SIMC1: variants seen among roughly 807,000 people sequenced by gnomAD.
The protein encoded by SIMC1 is SUMO-interacting motif-containing protein 1.
SIMC1 carries 55 observed loss-of-function variants against 82.3 expected under a neutral mutation model. The ratio of observed to expected loss-of-function variants is 0.67; its 90% CI spans 0.54 to 0.84. The LOEUF (loss-of-function observed/expected upper bound fraction) is 0.84. Among genes scored for constraint, SIMC1 ranks in the 40% least tolerant of loss-of-function variants. SIMC1 has a pLI of 0.00. For synonymous variants in SIMC1, 353 were observed against 426.3 expected, an observed-to-expected ratio of 0.83 and a Z score of 2.12; for missense variants, 915 against 1,107.2, an observed-to-expected ratio of 0.83 and a Z score of 2.46.
At chr5:176,258,838 T>G (rs1446519738) in intron 1 of SIMC1, among the ~76,000 whole-genome samples, 1 of 152,206 alleles carries the variant, frequency 6.6e-6, no homozygotes, top group Non-Finnish European at 1.5e-5. Context: ...TCATTTATCC[T>G]GAACTGTCTT....
At position 176,296,301 on chromosome 5, in the gene SIMC1, C is replaced by G. The variant is rs374295063; in HGVS notation, c.1715C>G (p.Thr572Ser). The change falls in exon 4 of 10, where the codon ACC becomes AGC. Residue 572 changes from threonine to serine, a missense_variant. Transcript: ENST00000429602. ...KTVEWDWKLL[T>S]YVMEEEGQTL... is the part of the protein sequence containing the mutation. ...GTGGAGTGGGACTGGAAACTGCTCA[C>G]CTATGTCATGGAGGAAGAGGTAACA... 117 of 1,613,422 alleles carry G rather than the reference C, an allele frequency of 7.3e-5. No individual in the cohort carries two copies. The highest frequency in any genetic ancestry group is 9.7e-5 in the Non-Finnish European group (114 of 1,179,510).
intron 4 of SIMC1, among the ~76,000 whole-genome samples, chr5:176,305,779 C>T (rs1233913320): frequency 1.6e-5 from 1 of 61,524 alleles, no homozygotes; most frequent in Non-Finnish European, 3.6e-5. Context: ...CCCCACCCGG[C>T]CAGCCGCCCC....
intron 4 of SIMC1, among the ~76,000 whole-genome samples, chr5:176,306,155 G>A (rs2113321815): frequency 1.5e-5 from 1 of 68,512 alleles, no homozygotes; most frequent in Non-Finnish European, 3.3e-5. Context: ...CCGTCCGGGA[G>A]GGAGGTGGGG....
At chr5:176,307,940 T>G in intron 4 of SIMC1, 1 of 557,426 alleles carries the variant, frequency 1.8e-6, no homozygotes, top group Non-Finnish European at 3.2e-6. Flanking sequence ...TACATTCAAA[T>G]GTTCAAAGCA....
chr5:176,316,831 T>C (rs1764933363), intron 5 of SIMC1, among the ~76,000 whole-genome samples: 2 of 150,918 alleles, frequency 1.3e-5, no homozygotes, highest in Non-Finnish European at 3.0e-5. Flanking sequence ...CTACTAAAAG[T>C]ACAAAAACAG....
chr5:176,254,000 A>T (rs542930317), intron 1 of SIMC1, among the ~76,000 whole-genome samples: 3 of 152,084 alleles, frequency 2.0e-5, no homozygotes, highest in African/African-American at 7.2e-5. Flanking sequence ...ATGGGTCTCA[A>T]CTTTCCCAAA....
intron 1 of SIMC1, among the ~76,000 whole-genome samples, chr5:176,262,797 T>C (rs916197981): frequency 1.3e-5 from 2 of 152,026 alleles, no homozygotes; most frequent in South Asian, 2.1e-4. Flanking sequence ...AGAGTGAGAC[T>C]CTGTCTCAAA....
chr5:176,243,709 CG>C (rs1481322711), intron 1 of SIMC1, among the ~76,000 whole-genome samples: 7 of 152,038 alleles, frequency 4.6e-5, no homozygotes, highest in African/African-American at 1.7e-4. Flanking sequence ...TTAGTAGAGA[CG>C]GGGTTTCACC....
intron 1 of SIMC1, among the ~76,000 whole-genome samples, chr5:176,265,871 C>T (rs1044477530): frequency 2.6e-5 from 4 of 151,786 alleles, no homozygotes; most frequent in African/African-American, 9.7e-5. Flanking sequence ...ATCCAAGTAC[C>T]TTATAGCTAC....
At chr5:176,333,887 A>G (rs79240980) in intron 7 of SIMC1, among the ~76,000 whole-genome samples, 9,180 of 149,374 alleles carry the variant, frequency 0.061, 372 homozygotes, top group African/African-American at 0.11. Flanking sequence ...TTCTCTCTCA[A>G]TAGTCTTTAA....
intron 1 of SIMC1, chr5:176,270,120 C>T (rs890870339): frequency 2.0e-4 from 31 of 151,388 alleles, no homozygotes; most frequent in Admixed American, 5.3e-4. Context: ...AGGAAAAGAA[C>T]AATACATCAT....
At chr5:176,308,470 T>G (rs1169325686) in intron 4 of SIMC1, 3 of 1,607,792 alleles carry the variant, frequency 1.9e-6, no homozygotes, top group Non-Finnish European at 2.6e-6. Context: ...CATGTTGATG[T>G]TCGCACCCAA....
At chr5:176,241,714 T>C (rs892611551) in intron 1 of SIMC1, among the ~76,000 whole-genome samples, 2 of 151,472 alleles carry the variant, frequency 1.3e-5, no homozygotes, top group African/African-American at 2.4e-5. Context: ...AGTTAACTCA[T>C]GTTTTGTATG....
rs1220222168 is a variant in SIMC1 at position 176,299,153 on chromosome 5, G to A, written c.1734+2833G>A. Among the ~76,000 whole-genome samples the A allele has an allele frequency of 1.3e-5, 2 of 152,194 alleles. 1 individual carries two copies. The highest frequency in any genetic ancestry group is 2.9e-5 in the Non-Finnish European group (2 of 68,042). On this transcript the variant is annotated intron_variant, in intron 4 of 9. Transcript: ENST00000429602. ...TCACGCCTGTAATTCCAGCACTTTG[G>A]GAGACCAATGTAGAAGGATTGCTTG...
At position 176,336,599 on chromosome 5, in the gene SIMC1, A is replaced by C. The variant is rs375524685; in HGVS notation, c.2172-121A>C. The C allele has an allele frequency of 5.1e-5, 69 of 1,359,210 alleles. 1 individual carries two copies. Among genetic ancestry groups the C allele is most frequent in the East Asian group, 3.0e-4 (13 of 43,138 alleles). 84.2% of individuals were successfully genotyped at this position (1,359,210 alleles called of 1,614,324 possible). ...AGGTTTTGTGATTCTGTGGGCTTCCATGGTATTCCTTCTTAACTGTCTTTT... is the reference window on the plus strand; with the variant it reads ...AGGTTTTGTGATTCTGTGGGCTTCCCTGGTATTCCTTCTTAACTGTCTTTT... On this transcript the variant is annotated intron_variant, in intron 7 of 9. Coordinates refer to ENST00000429602, the MANE Select transcript of SIMC1 (RefSeq NM_001308195.2).
chr5:176,261,815 A>G (rs1762025269), intron 1 of SIMC1, among the ~76,000 whole-genome samples: 1 of 152,180 alleles, frequency 6.6e-6, no homozygotes, highest in Non-Finnish European at 1.5e-5. Flanking sequence ...CAATAAAGAA[A>G]TAGAATCAAT....
In SIMC1 at chr5:176,335,081, A is replaced by T. The variant is rs182699363; in HGVS notation, c.2172-1639A>T. Among the ~76,000 whole-genome samples, 190 of 151,562 alleles carry T rather than the reference A, an allele frequency of 1.3e-3. 1 individual carries two copies. Among genetic ancestry groups the T allele is most frequent in the African/African-American group, 4.5e-3 (184 of 41,272 alleles). On this transcript the variant is annotated intron_variant, in intron 7 of 9. Coordinates refer to ENST00000429602, the MANE Select transcript of SIMC1 (RefSeq NM_001308195.2). ...CACTTCACTCCAGCCTGGGCAAAAGAGCGAAACTCTGTCTCAAAAAAAAAA... is the reference window on the plus strand; with the variant it reads ...CACTTCACTCCAGCCTGGGCAAAAGTGCGAAACTCTGTCTCAAAAAAAAAA...
rs370742409 is a variant in SIMC1, at chr5:176,325,421, C to G, written c.2171+664C>G. On this transcript the variant is annotated intron_variant, in intron 7 of 9. Transcript: ENST00000429602. Reference sequence around the variant, plus strand: ...AAAATAAAGGCCGGCTGTGGTGGCTCACACCTGTAATCCCAGCACTTTGGG... The same window carrying G: ...AAAATAAAGGCCGGCTGTGGTGGCTGACACCTGTAATCCCAGCACTTTGGG... Among the ~76,000 whole-genome samples, 19 of 149,534 alleles carry G rather than the reference C, an allele frequency of 1.3e-4. 1 individual carries two copies. In the South Asian group the frequency reaches 3.4e-3, roughly 27 times the overall value.
intron 5 of SIMC1, among the ~76,000 whole-genome samples, chr5:176,322,021 T>A (rs535743562): frequency 8.1e-5 from 12 of 148,452 alleles, no homozygotes; most frequent in Non-Finnish European, 1.6e-4. Context: ...CCACCATACC[T>A]GGCCTTTAGT....
Sources: allele counts gnomAD v4.1 joint callset (sites outside exome capture counted in the v4.1 genomes callset), GRCh38; gene constraint gnomAD v4.1.1; transcripts MANE v1.5; gene names NCBI Gene and HGNC (gene_info 2026-07-23, HGNC 2026-07-21).